The following MAML3 variants were observed in gnomAD, a reference collection of about 807,000 sequenced individuals.
MAML3 encodes mastermind like transcriptional coactivator 3.
MAML3 carries 27 observed loss-of-function variants against 101.9 expected under a neutral mutation model. That is an observed-to-expected ratio of 0.27 (90% CI 0.20 to 0.37). The LOEUF is 0.37. Ranked by LOEUF, MAML3 falls within the 10% of genes least tolerant of loss-of-function variation. The pLI, the probability that MAML3 is intolerant of heterozygous loss-of-function variation, is 1.00. For missense variants in MAML3, 1,316 were observed against 1,444.9 expected, an observed-to-expected ratio of 0.91 and a Z score of 1.45; for synonymous variants, 501 against 555.9, an observed-to-expected ratio of 0.90 and a Z score of 1.39.
chr4:140,047,932 C>A (rs2110918181), intron 1 of MAML3, among the ~76,000 whole-genome samples: 1 of 152,274 alleles, frequency 6.6e-6, no homozygotes, highest in Admixed American at 6.5e-5. Context: ...AAGATAGGCT[C>A]TTCAGACAAG....
rs547698478 is a variant in MAML3 at position 140,001,619 on chromosome 4, T to A, written c.469-110652A>T. On this transcript the variant is annotated intron_variant, in intron 1 of 4. Coordinates refer to ENST00000509479, the MANE Select transcript of MAML3 (RefSeq NM_018717.5). ...GTCTGCATGTCCATACACACAGGCA[T>A]CCACCAAAGGTTTTATTTTGTGTAT... Among the ~76,000 whole-genome samples, 11 of 152,318 alleles carry A rather than the reference T, an allele frequency of 7.2e-5. No individual in the cohort carries two copies. In the South Asian group the frequency reaches 1.0e-3, roughly 14 times the overall value.
In MAML3 at chr4:139,719,867, T is replaced by G; in HGVS notation, c.2873A>C (p.Gln958Pro). The change falls in exon 5 of 5, where the codon CAA (glutamine) becomes CCA (proline). Residue 958 changes from glutamine (Q) to proline (P), a missense_variant. Gln to Pro is a moderately conservative substitution (Grantham distance 76, BLOSUM62 -1). Coordinates refer to ENST00000509479, the MANE Select transcript of MAML3 (RefSeq NM_018717.5). ...CCTCTGTTGCCAGCTTTGTGCTCCT[T>G]GCTGGACTGTTCCCATAAGGCTCTG... ...RLQSLMGTVQ[Q>P]GAQSWQQRSL... 1.2e-6 allele frequency: 2 copies of G among 1,613,914 alleles called. No individual in the cohort carries two copies. The highest frequency in any genetic ancestry group is 1.7e-6 in the Non-Finnish European group (2 of 1,179,896).
intron 2 of MAML3, among the ~76,000 whole-genome samples, chr4:139,782,014 ATTGAGGGAACTTG>A (rs2111080722): frequency 1.3e-5 from 2 of 152,308 alleles, no homozygotes; most frequent in African/African-American, 4.8e-5. Flanking sequence ...GGAATGCAGC[ATTGAGGGAACTTG>A]TTGAGGAGTG....
chr4:140,066,340 T>G (rs2110945567), intron 1 of MAML3, among the ~76,000 whole-genome samples: 1 of 152,310 alleles, frequency 6.6e-6, no homozygotes, highest in Non-Finnish European at 1.5e-5. Context: ...GCTAACATAG[T>G]GCCTTATTGC....
At chr4:139,868,294 GACAGT>G (rs1578638799) in intron 2 of MAML3, among the ~76,000 whole-genome samples, 1 of 152,196 alleles carries the variant, frequency 6.6e-6, no homozygotes, top group African/African-American at 2.4e-5. Flanking sequence ...GGAATTTAGA[GACAGT>G]ACTGTTGATA....
chr4:139,864,661 C>T (rs1307773481), intron 2 of MAML3, among the ~76,000 whole-genome samples: 8 of 106,390 alleles, frequency 7.5e-5, no homozygotes, highest in African/African-American at 2.0e-4. Context: ...GGCGACAGAG[C>T]GAGGCTCCGT....
chr4:140,069,375 AAGAAGAAGAAGG>A (rs1560883500), intron 1 of MAML3, among the ~76,000 whole-genome samples: 6 of 131,362 alleles, frequency 4.6e-5, no homozygotes, highest in African/African-American at 1.5e-4. Context: ...GAAGAAGAAG[AAGAAGAAGAAGG>A]AGGAGGAGGA....
chr4:139,768,222 T>TTGTGTGTGTGTG (rs34182828), intron 2 of MAML3, among the ~76,000 whole-genome samples: 62 of 136,434 alleles, frequency 4.5e-4, no homozygotes, highest in East Asian at 2.9e-3. Flanking sequence ...CTGTTGATAG[T>TTGTGTGTGTGTG]TGTGTGTGTG....
chr4:139,974,155 GA>G (rs1560853961), intron 1 of MAML3, among the ~76,000 whole-genome samples: 3 of 149,166 alleles, frequency 2.0e-5, no homozygotes, highest in African/African-American at 7.4e-5. Flanking sequence ...ACCCAGGCTG[GA>G]GTGCAGTGGC....
At chr4:139,829,589 G>C (rs1459797527) in intron 2 of MAML3, among the ~76,000 whole-genome samples, 2 of 152,222 alleles carry the variant, frequency 1.3e-5, no homozygotes, top group African/African-American at 2.4e-5. Flanking sequence ...TTAGTGACTT[G>C]TATACTGGCA....
intron 2 of MAML3, among the ~76,000 whole-genome samples, chr4:139,836,580 A>G (rs1731258637): frequency 2.0e-5 from 3 of 152,188 alleles, no homozygotes; most frequent in African/African-American, 7.2e-5. Context: ...ATGGCATACC[A>G]CAGTTCCAGC....
At chr4:139,830,410 ATT>A (rs1157293904) in intron 2 of MAML3, among the ~76,000 whole-genome samples, 14 of 121,276 alleles carry the variant, frequency 1.2e-4, no homozygotes, top group South Asian at 4.9e-4. Flanking sequence ...ACGCTGTGCT[ATT>A]TTTTTTTTTT....
intron 1 of MAML3, among the ~76,000 whole-genome samples, chr4:139,985,590 TTA>T (rs1734522070): frequency 6.6e-6 from 1 of 152,220 alleles, no homozygotes; most frequent in Non-Finnish European, 1.5e-5. Context: ...AACCAGCTGT[TTA>T]TGTCATTTAG....
At chr4:139,838,094 A>G (rs958696963) in intron 2 of MAML3, among the ~76,000 whole-genome samples, 2 of 151,986 alleles carry the variant, frequency 1.3e-5, no homozygotes, top group African/African-American at 2.4e-5. Context: ...GCATGGGTAC[A>G]TCGGCCAAGC....
At chr4:139,790,328 T>A (rs73854357) in intron 2 of MAML3, among the ~76,000 whole-genome samples, 3,314 of 148,646 alleles carry the variant, frequency 0.022, 123 homozygotes, top group African/African-American at 0.077. Context: ...ATTAAAAAAA[T>A]TTCCTGAGTA....
intron 2 of MAML3, among the ~76,000 whole-genome samples, chr4:139,779,079 G>A (rs574077508): frequency 4.6e-5 from 7 of 152,270 alleles, no homozygotes; most frequent in African/African-American, 1.4e-4. Flanking sequence ...AAAGAGGGTT[G>A]GAAGGACTCT....
chr4:140,020,850 A>G lies in MAML3; in HGVS notation c.469-129883T>C, dbSNP rs1336325448. 2.6e-5 allele frequency among the ~76,000 whole-genome samples: 4 copies of G among 152,342 alleles called. No individual in the cohort carries two copies. The East Asian group carries it at 5.8e-4, about 22-fold the overall frequency. ...ACTTGGGGAAGAAAAATCTTTCACT[A>G]GAGTCAGCTTTTCTGTAGAAATTGG... is the stretch of plus-strand genomic sequence containing the variant. On this transcript the variant is annotated intron_variant, in intron 1 of 4. Transcript: ENST00000509479.
At chr4:140,094,463 T>C (rs1728117761) in intron 1 of MAML3, among the ~76,000 whole-genome samples, 1 of 152,222 alleles carries the variant, frequency 6.6e-6, no homozygotes, top group Non-Finnish European at 1.5e-5. Flanking sequence ...CCGCCAACCA[T>C]GGCCAGCCAC....
At chr4:139,761,320 C>T (rs573662775) in intron 2 of MAML3, among the ~76,000 whole-genome samples, 24 of 152,264 alleles carry the variant, frequency 1.6e-4, no homozygotes, top group Admixed American at 2.0e-4. Flanking sequence ...GAAAACTTTT[C>T]GACAGAATGG....
Sources: allele counts gnomAD v4.1 joint callset (sites outside exome capture counted in the v4.1 genomes callset), GRCh38; gene constraint gnomAD v4.1.1; transcripts MANE v1.5; gene names NCBI Gene and HGNC (gene_info 2026-07-23, HGNC 2026-07-21).